The following KDM4C variants were observed in gnomAD, a reference collection of about 807,000 sequenced individuals.
KDM4C encodes lysine-specific demethylase 4C.
KDM4C carries 81 observed loss-of-function variants against 129.3 expected under a neutral mutation model. The ratio of observed to expected loss-of-function variants is 0.63; its 90% CI spans 0.52 to 0.75. The LOEUF is 0.75. KDM4C is among the 30% of genes least tolerant of loss of function. The probability of loss-of-function intolerance (pLI) is 0.00; values close to 1 mark genes in which losing one functional copy is unlikely to be tolerated. For missense variants in KDM4C, 1,457 were observed against 1,304.0 expected (o/e 1.12, Z -1.81); for synonymous variants, 573 against 456.1 (o/e 1.26, Z -3.26).
At chr9:6,730,766 T>G (rs898455240) in intron 1 of KDM4C, among the ~76,000 whole-genome samples, 1 of 152,080 alleles carries the variant, frequency 6.6e-6, no homozygotes, top group Non-Finnish European at 1.5e-5. Context: ...GAGAAGTGAC[T>G]ATAGAAATCA....
intron 12 of KDM4C, among the ~76,000 whole-genome samples, chr9:7,011,384 G>A (rs969397891): frequency 1.3e-5 from 2 of 152,094 alleles, no homozygotes; most frequent in Admixed American, 6.5e-5. Flanking sequence ...AGCTTTTACC[G>A]TAGCAGTAGA....
chr9:7,088,556 A>T (rs911448633), intron 17 of KDM4C, among the ~76,000 whole-genome samples: 2 of 152,208 alleles, frequency 1.3e-5, no homozygotes, highest in African/African-American at 4.8e-5. Flanking sequence ...TTTTAATGAT[A>T]AAATATTCCT....
intron 15 of KDM4C, among the ~76,000 whole-genome samples, chr9:7,024,051 A>C (rs1029041136): frequency 1.3e-5 from 2 of 152,250 alleles, no homozygotes; most frequent in Non-Finnish European, 2.9e-5. Flanking sequence ...GTGACCTAAC[A>C]TGACCTATCT....
intron 1 of KDM4C, among the ~76,000 whole-genome samples, chr9:6,751,877 T>A (rs1372185392): frequency 6.6e-6 from 1 of 152,128 alleles, no homozygotes. Flanking sequence ...AATATTAAAA[T>A]CAGTGAATTT....
chr9:7,015,397 T>G (rs10114556), intron 14 of KDM4C, among the ~76,000 whole-genome samples: 6,287 of 152,220 alleles, frequency 0.041, 404 homozygotes, highest in African/African-American at 0.14. Flanking sequence ...ACAAATCGAA[T>G]TGAAAATACT....
At chr9:6,992,958 C>A (rs1468393561) in intron 12 of KDM4C, among the ~76,000 whole-genome samples, 1 of 152,150 alleles carries the variant, frequency 6.6e-6, no homozygotes. Context: ...AGCTGCTATG[C>A]CACTGGCAGC....
At chr9:7,077,010 G>C (rs887468887) in intron 17 of KDM4C, 1 of 985,386 alleles carries the variant, frequency 1.0e-6, no homozygotes, top group Non-Finnish European at 1.2e-6. Context: ...CTGTCAGCCT[G>C]AATCCTTCCT....
intron 5 of KDM4C, among the ~76,000 whole-genome samples, chr9:6,852,094 A>G (rs1838951349): frequency 6.6e-6 from 1 of 152,202 alleles, no homozygotes; most frequent in African/African-American, 2.4e-5. Flanking sequence ...CTACTGTAGG[A>G]AGAGAGTGTT....
At chr9:7,145,075 A>G (rs1448998040) in intron 19 of KDM4C, among the ~76,000 whole-genome samples, 7 of 152,090 alleles carry the variant, frequency 4.6e-5, no homozygotes, top group Admixed American at 4.6e-4. Flanking sequence ...CCCACCAGAG[A>G]ATAAGGTGGT....
intron 7 of KDM4C, among the ~76,000 whole-genome samples, chr9:6,888,455 T>C (rs1845614628): frequency 6.6e-6 from 1 of 152,240 alleles, no homozygotes; most frequent in South Asian, 2.1e-4. Context: ...GGTAGCACTA[T>C]GTTGCTTGTA....
chr9:7,038,032 T>G (rs1827949113), intron 15 of KDM4C, among the ~76,000 whole-genome samples: 1 of 152,136 alleles, frequency 6.6e-6, no homozygotes, highest in Admixed American at 6.6e-5. Flanking sequence ...ATGAACAGTT[T>G]TGATATCACC....
At chr9:7,165,380 T>A in intron 20 of KDM4C, 23 bp downstream of exon 20, 1 of 1,611,606 alleles carries the variant, frequency 6.2e-7, no homozygotes, top group South Asian at 1.1e-5. Context: ...TTCTCTGTGA[T>A]GCTTGCTAAG....
At chr9:6,734,197 T>G (rs1290345856) in intron 1 of KDM4C, among the ~76,000 whole-genome samples, 3 of 151,320 alleles carry the variant, frequency 2.0e-5, no homozygotes, top group Non-Finnish European at 4.4e-5. Flanking sequence ...AATGCAGCTG[T>G]CCCCAGAAAG....
intron 1 of KDM4C, among the ~76,000 whole-genome samples, chr9:6,745,642 T>G (rs927081427): frequency 6.6e-6 from 1 of 152,092 alleles, no homozygotes; most frequent in Non-Finnish European, 1.5e-5. Context: ...ACATTATATT[T>G]TATTTTATTT....
intron 1 of KDM4C, among the ~76,000 whole-genome samples, chr9:6,775,430 A>T (rs1052487629): frequency 6.6e-6 from 1 of 151,996 alleles, no homozygotes; most frequent in South Asian, 2.1e-4. Context: ...TTGATTTTTG[A>T]GTTTTCAGTT....
At chr9:6,729,204 C>CAAAAAAAAAAAAAAA (rs1186478804) in intron 1 of KDM4C, among the ~76,000 whole-genome samples, 3 of 32,108 alleles carry the variant, frequency 9.3e-5, no homozygotes, top group Non-Finnish European at 9.2e-5. Flanking sequence ...GCTCCGTCTC[C>CAAAAAAAAAAAAAAA]AAAAAAAAAA....
At chr9:6,798,807 T>A (rs1478143615) in intron 2 of KDM4C, among the ~76,000 whole-genome samples, 1 of 149,200 alleles carries the variant, frequency 6.7e-6, no homozygotes, top group Non-Finnish European at 1.5e-5. Flanking sequence ...CACTTCCCCG[T>A]AGGGGCGGCC....
intron 12 of KDM4C, among the ~76,000 whole-genome samples, chr9:7,005,677 A>C (rs1027664524): frequency 2.0e-5 from 3 of 152,162 alleles, no homozygotes; most frequent in African/African-American, 7.2e-5. Flanking sequence ...ATTATGTTGG[A>C]GGCCTAGAGG....
intron 1 of KDM4C, among the ~76,000 whole-genome samples, chr9:6,743,411 A>G (rs1289258601): frequency 6.6e-6 from 1 of 152,200 alleles, no homozygotes; most frequent in Non-Finnish European, 1.5e-5. Flanking sequence ...AGGATTATCA[A>G]GAGTGTGCAT....
Sources: gnomAD v4.1 joint callset for allele counts (sites outside exome capture counted in the v4.1 genomes callset) on GRCh38, gnomAD v4.1.1 for gene constraint, MANE v1.5 for transcripts, NCBI Gene and HGNC (gene_info 2026-07-23, HGNC 2026-07-21) for gene names.